ATIC: variants seen among roughly 807,000 people sequenced by gnomAD.
The protein encoded by ATIC is bifunctional purine biosynthesis protein ATIC.
A neutral mutation model predicts 72.5 loss-of-function variants in ATIC; 64 were observed. The ratio of observed to expected loss-of-function variants is 0.88; its 90% confidence interval spans 0.72 to 1.09. The LOEUF is 1.09. Ranked by LOEUF, ATIC falls within the 50% of genes least tolerant of loss-of-function variation. The pLI is 0.00. For missense variants in ATIC, 787 were observed against 732.4 expected (o/e 1.07, Z -0.86); for synonymous variants, 281 against 267.1 (o/e 1.05, Z -0.51).
chr2:215,348,941 T>C (rs1211608598), intron 14 of ATIC, 153 bp from the exon 15 acceptor site: 1 of 571,252 alleles, frequency 1.8e-6, no homozygotes, highest in Non-Finnish European at 2.6e-6. Context: ...CTGGTGATAG[T>C]GCAAAACTCC....
chr2:215,332,644 A>G, intron 8 of ATIC, 137 bp downstream of exon 8: 1 of 1,116,332 alleles, frequency 9.0e-7, no homozygotes, highest in South Asian at 1.6e-5. Context: ...TAACAGTATC[A>G]ATGTAATAAT....
At chr2:215,325,963 C>T (rs201574731) in intron 5 of ATIC, 24 bp from the exon 6 acceptor site, 2 of 1,613,510 alleles carry the variant, frequency 1.2e-6, no homozygotes, top group East Asian at 2.2e-5. Context: ...ATACAAAAAT[C>T]AATAAGTCTT....
chr2:215,339,153 CA>C (rs79489036), intron 12 of ATIC, among the ~76,000 whole-genome samples: 33,451 of 152,080 alleles, frequency 0.22, 3,890 homozygotes, highest in East Asian at 0.5. Flanking sequence ...TAAATGGGAT[CA>C]TGTCTTCCAT....
intron 12 of ATIC, among the ~76,000 whole-genome samples, chr2:215,340,444 G>T (rs16853826): frequency 6.6e-6 from 1 of 152,168 alleles, no homozygotes; most frequent in South Asian, 2.1e-4. Flanking sequence ...TTGTTGTTCA[G>T]TACTTTGCAG....
At chr2:215,337,476 C>T (rs1214051880) in intron 11 of ATIC, among the ~76,000 whole-genome samples, 3 of 152,114 alleles carry the variant, frequency 2.0e-5, no homozygotes, top group African/African-American at 4.8e-5. Flanking sequence ...AAGCGATTTT[C>T]CTGCCTCACC....
the ATIC span, chr2:215,363,683 C>T: frequency 6.6e-6 from 1 of 152,186 alleles, no homozygotes; most frequent in Non-Finnish European, 1.5e-5. Context: ...GAAGCATGCC[C>T]CTCACCCACC....
intron 14 of ATIC, chr2:215,347,363 TCCC>T (rs2053082570): frequency 2.7e-6 from 1 of 372,202 alleles, no homozygotes; most frequent in Admixed American, 3.8e-5. Context: ...TGGGGTCTTC[TCCC>T]ACCACATTTT....
intron 13 of ATIC, among the ~76,000 whole-genome samples, chr2:215,346,264 C>T (rs952311390): frequency 3.3e-5 from 5 of 152,132 alleles, no homozygotes; most frequent in Admixed American, 2.0e-4. Flanking sequence ...TGGCCTCAAG[C>T]GGTCCTACCA....
chr2:215,317,565 G>A (rs190226088), intron 2 of ATIC, among the ~76,000 whole-genome samples: 99 of 151,952 alleles, frequency 6.5e-4, no homozygotes, highest in African/African-American at 2.2e-3. Flanking sequence ...GGCTCACTGC[G>A]ACCTCCAACT....
rs144809437 is a variant in ATIC at position 215,316,560 on chromosome 2, G to A, written c.147-1597G>A. ...ACTGTACTCCAGGCTGGGCAACATAGTGAGATCCCATCTCAAAAACTATAT... is the reference window on the plus strand; with the variant it reads ...ACTGTACTCCAGGCTGGGCAACATAATGAGATCCCATCTCAAAAACTATAT... On this transcript the variant is annotated intron_variant, in intron 2 of 15. Transcript: ENST00000236959. 1.5e-3 allele frequency among the ~76,000 whole-genome samples: 235 copies of A among 152,254 alleles called. 1 individual carries two copies. Among genetic ancestry groups the A allele is most frequent in the African/African-American group, 5.5e-3 (227 of 41,552 alleles).
At chr2:215,365,810 T>A in the ATIC span, 64,936 of 209,788 alleles carry the variant, frequency 0.31, 9,024 homozygotes, top group East Asian at 0.68. Context: ...CTTTTTATTT[T>A]TTTTTTTTTT....
chr2:215,317,475 A>G (rs2052722224), intron 2 of ATIC, among the ~76,000 whole-genome samples: 2 of 151,862 alleles, frequency 1.3e-5, no homozygotes, highest in African/African-American at 4.9e-5. Flanking sequence ...TTGATATGCC[A>G]TCTTCATGTG....
Position 215,332,385 on chromosome 2 carries a change from T to C in ATIC, c.692T>C (p.Leu231Pro), listed in dbSNP as rs374163623. 6.2e-7 allele frequency: 1 copy of C among 1,614,008 alleles called. No individual in the cohort carries two copies. The highest frequency in any genetic ancestry group is 8.5e-7 in the Non-Finnish European group (1 of 1,180,030). Residue 231 changes from leucine to proline, a missense_variant, in exon 8 of 16, where the codon CTA becomes CCA. Coordinates refer to ENST00000236959, the MANE Select transcript of ATIC (RefSeq NM_004044.7). ...TLQPKLPITV[L>P]NGAPGFINLC... ...GCATGTATATTTTTACATTTAGTTC[T>C]AAATGGAGCCCCTGGATTTATAAAC...
intron 12 of ATIC, among the ~76,000 whole-genome samples, chr2:215,341,541 T>C (rs2053018572): frequency 6.6e-6 from 1 of 152,212 alleles, no homozygotes; most frequent in African/African-American, 2.4e-5. Context: ...ATAGCTTTGT[T>C]CTCCTTTCTG....
downstream of ATIC, among the ~76,000 whole-genome samples, chr2:215,349,978 A>G (rs960802286): frequency 5.3e-5 from 8 of 152,180 alleles, no homozygotes. Flanking sequence ...TGTACAGGCC[A>G]CACTTAAGGA....
chr2:215,320,611 G>A lies in ATIC; in HGVS notation c.290+880G>A, dbSNP rs1006332890. Among the ~76,000 whole-genome samples, 5 of 151,958 alleles carry A rather than the reference G, an allele frequency of 3.3e-5. No individual in the cohort carries two copies. In the East Asian group the frequency reaches 7.8e-4, roughly 24 times the overall value. On this transcript the variant is annotated intron_variant, in intron 4 of 15. Transcript: ENST00000236959. The stretch of plus-strand genomic sequence containing the variant: ...TAATTTTATTTTGAGACAGGGTCTC[G>A]CTCTGTTGCTCAGGTTGGAGTTCAG...
intron 12 of ATIC, among the ~76,000 whole-genome samples, chr2:215,343,636 T>A (rs1361354290): frequency 6.6e-6 from 1 of 152,098 alleles, no homozygotes; most frequent in Non-Finnish European, 1.5e-5. Flanking sequence ...GCGCCTGTCC[T>A]GTTACAGAGT....
intron 12 of ATIC, among the ~76,000 whole-genome samples, chr2:215,341,201 A>G (rs2053015028): frequency 6.6e-6 from 1 of 152,214 alleles, no homozygotes. Context: ...GGTGTCCTGA[A>G]GTAAAGAAAC....
chr2:215,333,362 G>T lies in ATIC; in HGVS notation c.827G>T (p.Gly276Val), dbSNP rs1482685150. ...KHVSPAGAAV[G>V]IPLSEDEAKV... The stretch of plus-strand genomic sequence containing the variant: ...ATTTTCTAACCAGGTGCTGCTGTTG[G>T]AATTCCACTCAGTGAAGATGAGGCC... Residue 276 changes from glycine to valine, a missense_variant, in exon 9 of 16, where the codon GGA becomes GTA. Physicochemically the swap from Gly to Val is moderately radical, Grantham distance 109. Coordinates refer to ENST00000236959, the MANE Select transcript of ATIC (RefSeq NM_004044.7). The T allele has an allele frequency of 2.5e-6, 4 of 1,613,934 alleles. No homozygotes were observed. The highest frequency in any genetic ancestry group is 3.4e-6 in the Non-Finnish European group (4 of 1,179,988).
Sources: gnomAD v4.1 joint callset for allele counts (sites outside exome capture counted in the v4.1 genomes callset) on GRCh38, gnomAD v4.1.1 for gene constraint, MANE v1.5 for transcripts, NCBI Gene and HGNC (gene_info 2026-07-23, HGNC 2026-07-21) for gene names.